The following SENP2 variants were observed in gnomAD, a reference collection of about 807,000 sequenced individuals.
SENP2 encodes the protein sentrin-specific protease 2.
A neutral mutation model predicts 86.3 loss-of-function variants in SENP2; 16 were observed. That is an observed-to-expected ratio of 0.19 (90% CI 0.13 to 0.28). SENP2 has a LOEUF of 0.28. Among genes scored for constraint, SENP2 ranks in the 10% least tolerant of loss-of-function variants. SENP2 has a pLI of 1.00. For synonymous variants in SENP2, 222 were observed against 238.7 expected, an observed-to-expected ratio of 0.93 and a Z score of 0.64; for missense variants, 552 against 703.0, an observed-to-expected ratio of 0.79 and a Z score of 2.43.
rs761229573 is a variant in SENP2 at position 185,613,351 on chromosome 3, A to G, written c.876A>G (p.Ser292=). ...LCSLRSEKRC[S]KGKITDTETM... ...TCTCAATTTTTTTCCTTAGGTGTTC[A>G]AAGGGGAAAATTACTGATACAGAGA... Residue 292 remains serine (S), a synonymous_variant, in exon 10 of 17, where the codon TCA becomes TCG. Transcript: ENST00000296257. The G allele has an allele frequency of 6.3e-7, 1 of 1,583,230 alleles. No individual in the cohort carries two copies. Among genetic ancestry groups the G allele is most frequent in the South Asian group, 1.1e-5 (1 of 88,958 alleles).
At chr3:185,598,679 C>A in intron 3 of SENP2, 134 bp downstream of exon 3, 2 of 877,744 alleles carry the variant, frequency 2.3e-6, no homozygotes, top group Non-Finnish European at 3.4e-6. Flanking sequence ...ATTAGCTGTG[C>A]TATAAAGGCC....
Position 185,624,077 on chromosome 3 carries a change from C to G in SENP2, c.1606C>G (p.Pro536Ala). The G allele has an allele frequency of 6.2e-7, 1 of 1,606,036 alleles. No individual in the cohort carries two copies. Among genetic ancestry groups the G allele is most frequent in the Non-Finnish European group, 8.5e-7 (1 of 1,174,428 alleles). ...AGAGTGGACCCATCACAGCATGAAACCACACGTGAGTGACGATCATCTACA... is the reference window on the plus strand; with the variant it reads ...AGAGTGGACCCATCACAGCATGAAAGCACACGTGAGTGACGATCATCTACA... ...LLEWTHHSMK[P>A]HEIPQQLNGS... Residue 536 changes from proline (P) to alanine (A), a missense_variant, in exon 15 of 17, where the codon CCA becomes GCA. Transcript: ENST00000296257.
At chr3:185,623,887 T>C (rs1712012690) in intron 14 of SENP2, 111 bp from the exon 15 acceptor site, 1 of 416,126 alleles carries the variant, frequency 2.4e-6, no homozygotes, top group African/African-American at 2.3e-5. Flanking sequence ...AGCTAATGAA[T>C]ATGGATTTGA....
chr3:185,621,156 CAAAA>C (rs1206042436), intron 13 of SENP2, among the ~76,000 whole-genome samples: 1 of 39,052 alleles, frequency 2.6e-5, no homozygotes, highest in East Asian at 1.2e-3. Context: ...GATCTTGTCT[CAAAA>C]AAAAAAAAAA....
rs769183402 is a variant in SENP2, at chr3:185,614,690, T to C, written c.1060T>C (p.Ser354Pro). Residue 354 changes from serine to proline, a missense_variant, in exon 11 of 17, where the codon TCA (serine) becomes CCA (proline). Physicochemically the swap from Ser to Pro is moderately conservative, Grantham distance 74 (BLOSUM62 -1). Transcript: ENST00000296257. ...SIIETKEKNC[S>P]GKERDRRTDD... ...AATTGAGACAAAGGAAAAGAATTGC[T>C]CAGGCAAAGAGAGGGACAGAAGAAC... 1 of 1,614,192 alleles carries C rather than the reference T, an allele frequency of 6.2e-7. No individual in the cohort carries two copies. Among genetic ancestry groups the C allele is most frequent in the African/African-American group, 1.3e-5 (1 of 75,062 alleles).
In SENP2 at chr3:185,619,476, C is replaced by T. The variant is rs757764068; in HGVS notation, c.1420C>T (p.His474Tyr). Residue 474 changes from histidine (H) to tyrosine (Y), a missense_variant, in exon 13 of 17, where the codon CAT becomes TAT. Coordinates refer to ENST00000296257, the MANE Select transcript of SENP2 (RefSeq NM_021627.3). ...FEQEIILVPIHRKVHWSLVVI... is the reference protein window; with the variant it reads ...FEQEIILVPIYRKVHWSLVVI... ...ACAAGAAATTATTCTGGTGCCTATT[C>T]ATCGGAAGGTACATTGGAGCCTGGT... The T allele has an allele frequency of 6.2e-7, 1 of 1,614,108 alleles. No individual in the cohort carries two copies. Among genetic ancestry groups the T allele is most frequent in the South Asian group, 1.1e-5 (1 of 91,074 alleles).
intron 5 of SENP2, among the ~76,000 whole-genome samples, chr3:185,603,206 C>A (rs778289689): frequency 2.6e-5 from 4 of 152,108 alleles, no homozygotes; most frequent in Non-Finnish European, 4.4e-5. Context: ...GCCACCACGC[C>A]CAGCCCACAT....
chr3:185,587,035 A>G (rs1721805621), intron 1 of SENP2, among the ~76,000 whole-genome samples: 1 of 152,188 alleles, frequency 6.6e-6, no homozygotes. Flanking sequence ...TGAATGAGTA[A>G]AAAGGCTTAG....
chr3:185,601,188 C>T (rs1444201765), intron 5 of SENP2, among the ~76,000 whole-genome samples: 1 of 151,740 alleles, frequency 6.6e-6, no homozygotes, highest in Non-Finnish European at 1.5e-5. Context: ...GGATTACAGG[C>T]ACCCCCACAC....
At chr3:185,616,009 C>T (rs946147753) in intron 11 of SENP2, among the ~76,000 whole-genome samples, 2 of 151,794 alleles carry the variant, frequency 1.3e-5, no homozygotes, top group South Asian at 2.1e-4. Context: ...ACTACAGGCG[C>T]GTGCCACCAC....
intron 15 of SENP2, among the ~76,000 whole-genome samples, chr3:185,624,448 G>C (rs1219339458): frequency 6.6e-6 from 1 of 152,036 alleles, no homozygotes; most frequent in Admixed American, 6.6e-5. Context: ...CACAGAATTG[G>C]GAAGAAACCC....
intron 13 of SENP2, among the ~76,000 whole-genome samples, chr3:185,621,033 A>G (rs536387388): frequency 1.3e-5 from 2 of 151,052 alleles, no homozygotes; most frequent in African/African-American, 4.9e-5. Flanking sequence ...CTTTGTGGGC[A>G]TGGTGGTGCA....
At chr3:185,591,802 C>A (rs1310928475) in intron 2 of SENP2, among the ~76,000 whole-genome samples, 1 of 151,682 alleles carries the variant, frequency 6.6e-6, no homozygotes, top group East Asian at 1.9e-4. Flanking sequence ...ATAATCATGG[C>A]TCACTGCAGC....
intron 15 of SENP2, 80 bp downstream of exon 15, chr3:185,624,162 C>A: frequency 2.4e-6 from 2 of 844,904 alleles, no homozygotes; most frequent in South Asian, 1.6e-5. Context: ...TCCCTTCCTG[C>A]CCTTCCTCCC....
intron 3 of SENP2, 104 bp from the exon 4 acceptor site, chr3:185,598,853 TA>T: frequency 1.2e-6 from 1 of 821,412 alleles, no homozygotes; most frequent in South Asian, 1.6e-5. Flanking sequence ...TTATTGATGG[TA>T]TCTCTTCTGT....
chr3:185,590,549 G>C (rs1298519718), intron 2 of SENP2, among the ~76,000 whole-genome samples: 1 of 136,064 alleles, frequency 7.3e-6, no homozygotes, highest in Non-Finnish European at 1.6e-5. Context: ...ACTGTGTCAG[G>C]AAAAAAAAAA....
rs1560206182 is a variant in SENP2, at chr3:185,632,241, T to TG, written c.*2397_*2398insG. 4 of 123,052 alleles carry TG rather than the reference T, an allele frequency of 3.3e-5. No individual in the cohort carries two copies. Among genetic ancestry groups the TG allele is most frequent in the African/African-American group, 8.8e-5 (3 of 34,008 alleles). 7.6% of individuals were successfully genotyped at this position (123,052 alleles called of 1,614,324 possible). ...TTTTTTTTGTTTTTTTTTTTTGTTT[T>TG]TTTTTTTTTTTTTTGCGACAGAGTC... is the stretch of plus-strand genomic sequence containing the variant. On this transcript the variant is annotated 3_prime_UTR_variant, in exon 17 of 17. Coordinates refer to ENST00000296257, the MANE Select transcript of SENP2 (RefSeq NM_021627.3).
intron 5 of SENP2, among the ~76,000 whole-genome samples, chr3:185,601,163 C>G (rs1469401721): frequency 6.6e-6 from 1 of 151,594 alleles, no homozygotes; most frequent in East Asian, 1.9e-4. Flanking sequence ...CCTGCCTCAG[C>G]CTCCTGAGTA....
chr3:185,614,123 T>C (rs1248743992), intron 10 of SENP2, among the ~76,000 whole-genome samples: 1 of 152,232 alleles, frequency 6.6e-6, no homozygotes, highest in African/African-American at 2.4e-5. Context: ...TAATGTTTTG[T>C]GCATTTTCTG....
Sources: gnomAD v4.1 joint callset for allele counts (sites outside exome capture counted in the v4.1 genomes callset) on GRCh38, gnomAD v4.1.1 for gene constraint, MANE v1.5 for transcripts, NCBI Gene and HGNC (gene_info 2026-07-23, HGNC 2026-07-21) for gene names.